EHBP1: variants seen among roughly 807,000 people sequenced by gnomAD.
EHBP1 encodes EH domain binding protein 1.
Under a neutral mutation model 144.0 loss-of-function variants are expected in EHBP1, and 55 were observed. That is an observed-to-expected ratio of 0.38 (90% confidence interval 0.31 to 0.48). The LOEUF is 0.48. Ranked by LOEUF, EHBP1 falls within the 20% of genes least tolerant of loss-of-function variation. The pLI is 0.98. For missense variants in EHBP1, 1,200 were observed against 1,364.2 expected, an observed-to-expected ratio of 0.88 and a Z score of 1.90; for synonymous variants, 469 against 472.7, an observed-to-expected ratio of 0.99 and a Z score of 0.10.
At chr2:62,998,606 G>C (rs1366304546) in intron 19 of EHBP1, among the ~76,000 whole-genome samples, 1 of 152,076 alleles carries the variant, frequency 6.6e-6, no homozygotes, top group South Asian at 2.1e-4. Flanking sequence ...GATTTGTTGA[G>C]GGTTCTAACT....
In EHBP1 at chr2:62,864,776, T is replaced by G; in HGVS notation, c.803T>G (p.Phe268Cys). Reference protein sequence around the residue: ...TASPRKTEDSFYNNSYNPFKE... With the variant: ...TASPRKTEDSCYNNSYNPFKE... ...TCACCTAGAAAAACAGAAGACTCTT[T>G]TTATAATAACAGCTATAATCCCTTT... The change falls in exon 9 of 23, where the codon TTT (phenylalanine) becomes TGT (cysteine). Residue 268 changes from phenylalanine to cysteine, a missense_variant. By Grantham distance (205) the Phe-to-Cys change is radical. Transcript: ENST00000431489. 2 of 1,613,680 alleles carry G rather than the reference T, an allele frequency of 1.2e-6. No homozygotes were observed. The highest frequency in any genetic ancestry group is 1.7e-6 in the Non-Finnish European group (2 of 1,179,870).
At chr2:62,986,914 A>C (rs2059218478) in intron 15 of EHBP1, among the ~76,000 whole-genome samples, 1 of 152,168 alleles carries the variant, frequency 6.6e-6, no homozygotes, top group African/African-American at 2.4e-5. Context: ...TGAGGGATTA[A>C]GCCAAACTGT....
chr2:63,004,131 A>G (rs965602243), intron 19 of EHBP1, among the ~76,000 whole-genome samples: 1 of 152,044 alleles, frequency 6.6e-6, no homozygotes, highest in African/African-American at 2.4e-5. Context: ...ACTTTTCTGT[A>G]CATAACTTCT....
chr2:62,687,240 A>T (rs186149949), intron 1 of EHBP1, among the ~76,000 whole-genome samples: 103 of 152,352 alleles, frequency 6.8e-4, no homozygotes, highest in Admixed American at 1.9e-3. Flanking sequence ...TTATAAGATG[A>T]AAGTAAACTT....
intron 1 of EHBP1, among the ~76,000 whole-genome samples, chr2:62,684,102 C>A (rs1412154908): frequency 6.6e-6 from 1 of 152,148 alleles, no homozygotes; most frequent in Non-Finnish European, 1.5e-5. Context: ...AAACAAAGGA[C>A]AACTCTGTGA....
chr2:62,679,470 T>C (rs745843761), intron 1 of EHBP1, among the ~76,000 whole-genome samples: 3 of 152,210 alleles, frequency 2.0e-5, no homozygotes, highest in South Asian at 2.1e-4. Context: ...TTAGCATTTA[T>C]ATTTTCTTTT....
intron 7 of EHBP1, among the ~76,000 whole-genome samples, chr2:62,835,483 GAGGAGCCA>G (rs1445545959): frequency 6.6e-6 from 1 of 152,202 alleles, no homozygotes; most frequent in Non-Finnish European, 1.5e-5. Flanking sequence ...TAAAGCGGGG[GAGGAGCCA>G]AGATGGCCGA....
intron 10 of EHBP1, among the ~76,000 whole-genome samples, chr2:62,886,342 C>T (rs2051925663): frequency 6.6e-6 from 1 of 152,110 alleles, no homozygotes; most frequent in South Asian, 2.1e-4. Context: ...AAATAATAAA[C>T]ACACAGTTTT....
At chr2:62,865,859 C>G (rs1344086390) in intron 9 of EHBP1, among the ~76,000 whole-genome samples, 1 of 152,096 alleles carries the variant, frequency 6.6e-6, no homozygotes, top group Non-Finnish European at 1.5e-5. Context: ...AGAGTTTGGA[C>G]TTGGGAGTAC....
At chr2:62,901,676 AAAAG>A (rs934633540) in intron 10 of EHBP1, among the ~76,000 whole-genome samples, 1 of 152,076 alleles carries the variant, frequency 6.6e-6, no homozygotes, top group Non-Finnish European at 1.5e-5. Context: ...AAAAAAAAGA[AAAAG>A]AAAGGTGAGC....
chr2:62,832,097 T>C (rs766061037), intron 7 of EHBP1, among the ~76,000 whole-genome samples: 23 of 152,264 alleles, frequency 1.5e-4, no homozygotes, highest in Non-Finnish European at 1.6e-4. Flanking sequence ...GTGTAAATTT[T>C]ATTATTTTCT....
At chr2:62,860,824 A>T (rs1052913497) in intron 8 of EHBP1, among the ~76,000 whole-genome samples, 4 of 152,326 alleles carry the variant, frequency 2.6e-5, no homozygotes, top group Admixed American at 6.5e-5. Context: ...ACATAAGATC[A>T]TATTTCTATG....
At chr2:62,744,294 C>CT (rs1179633661) in intron 2 of EHBP1, among the ~76,000 whole-genome samples, 1 of 151,940 alleles carries the variant, frequency 6.6e-6, no homozygotes, top group Non-Finnish European at 1.5e-5. Context: ...GTTTTCTTGA[C>CT]TTTTTTTATA....
At chr2:62,700,086 T>C (rs1041652740) in intron 1 of EHBP1, among the ~76,000 whole-genome samples, 3 of 152,214 alleles carry the variant, frequency 2.0e-5, no homozygotes, top group Non-Finnish European at 4.4e-5. Flanking sequence ...AAGAATACTG[T>C]TCCTAATTGA....
chr2:62,942,243 A>G (rs2056799298), intron 10 of EHBP1, among the ~76,000 whole-genome samples: 1 of 152,196 alleles, frequency 6.6e-6, no homozygotes, highest in Admixed American at 6.5e-5. Context: ...AAATGCATAT[A>G]TGATTACTGT....
intron 7 of EHBP1, among the ~76,000 whole-genome samples, chr2:62,854,696 T>G (rs2048911749): frequency 6.6e-6 from 1 of 152,224 alleles, no homozygotes; most frequent in Non-Finnish European, 1.5e-5. Flanking sequence ...ACAGCAAAGA[T>G]CACTCATCAC....
chr2:62,691,988 C>G (rs2033922446), intron 1 of EHBP1, among the ~76,000 whole-genome samples: 1 of 152,056 alleles, frequency 6.6e-6, no homozygotes, highest in African/African-American at 2.4e-5. Context: ...GTTGTGCAAC[C>G]ATCATCACTA....
intron 8 of EHBP1, among the ~76,000 whole-genome samples, chr2:62,863,465 C>T (rs751443694): frequency 4.6e-5 from 7 of 152,044 alleles, no homozygotes; most frequent in Non-Finnish European, 1.0e-4. Flanking sequence ...AATGAAAGCA[C>T]CATTGTTTTC....
intron 1 of EHBP1, among the ~76,000 whole-genome samples, chr2:62,683,279 A>G (rs1229902072): frequency 6.6e-6 from 1 of 152,168 alleles, no homozygotes; most frequent in Non-Finnish European, 1.5e-5. Context: ...ACTCTTGCCC[A>G]GCAATTTTAT....
Sources: gnomAD v4.1 joint callset for allele counts (sites outside exome capture counted in the v4.1 genomes callset) on GRCh38, gnomAD v4.1.1 for gene constraint, MANE v1.5 for transcripts, NCBI Gene and HGNC (gene_info 2026-07-23, HGNC 2026-07-21) for gene names.